The following AKTIP variants were observed in gnomAD, a reference collection of about 807,000 sequenced individuals.
AKTIP encodes the protein AKT interacting protein.
AKTIP carries 16 observed loss-of-function variants against 39.1 expected under a neutral mutation model. The observed-to-expected ratio is 0.41, with a 90% CI of 0.28 to 0.62. AKTIP has a LOEUF of 0.62. Among genes scored for constraint, AKTIP ranks in the 20% least tolerant of loss-of-function variants. The probability of loss-of-function intolerance (pLI) is 0.32; values close to 1 mark genes in which losing one functional copy is unlikely to be tolerated. For synonymous variants in AKTIP, 93 were observed against 124.3 expected, an observed-to-expected ratio of 0.75 and a Z score of 1.67; for missense variants, 262 against 356.6, an observed-to-expected ratio of 0.73 and a Z score of 2.14.
intron 3 of AKTIP, among the ~76,000 whole-genome samples, chr16:53,497,903 C>T (rs183017817): frequency 6.6e-6 from 1 of 152,204 alleles, no homozygotes; most frequent in Non-Finnish European, 1.5e-5. Flanking sequence ...CGCCTGCCAT[C>T]AAACCTGGCT....
At chr16:53,494,492 TA>T (rs2150851688) in intron 6 of AKTIP, 24 bp downstream of exon 6, 1 of 1,613,876 alleles carries the variant, frequency 6.2e-7, no homozygotes, top group Non-Finnish European at 8.5e-7. Flanking sequence ...ATTATGTCAC[TA>T]AAAGAAACAC....
At chr16:53,499,035 T>C (rs1962011506) in intron 2 of AKTIP, among the ~76,000 whole-genome samples, 1 of 152,250 alleles carries the variant, frequency 6.6e-6, no homozygotes, top group African/African-American at 2.4e-5. Context: ...AGTCACTGCC[T>C]GTTAGCACTT....
At chr16:53,503,551 C>T (rs1432696761), upstream of AKTIP, among the ~76,000 whole-genome samples, 2 of 152,220 alleles carry the variant, frequency 1.3e-5, no homozygotes, top group Non-Finnish European at 2.9e-5. Flanking sequence ...AAACAAGCGC[C>T]GGGTCACAAT....
In AKTIP at chr16:53,491,533, T is replaced by TA. The variant is rs1463568563; in HGVS notation, c.*878dup. On this transcript the variant is annotated 3_prime_UTR_variant, in exon 10 of 10. Transcript: ENST00000394657. ...ATATTGCTGAGAGAAATATGGAACT[T>TA]ACATTGTTCAATTAGAATAGTGTTC... is the stretch of plus-strand genomic sequence containing the variant. 6.6e-6 allele frequency: 1 copy of TA among 152,624 alleles called. No homozygotes were observed. The highest frequency in any genetic ancestry group is 1.5e-5 in the Non-Finnish European group (1 of 68,040). 9.5% of individuals were successfully genotyped at this position (152,624 alleles called of 1,614,324 possible).
chr16:53,492,555 T>C, intron 9 of AKTIP, 36 bp from the exon 10 acceptor site: 1 of 1,610,332 alleles, frequency 6.2e-7, no homozygotes, highest in Non-Finnish European at 8.5e-7. Flanking sequence ...TTTAAAAAAT[T>C]ACTGGTGAGG....
At chr16:53,501,732 C>T (rs772573151) in intron 1 of AKTIP, 2 of 152,248 alleles carry the variant, frequency 1.3e-5, no homozygotes, top group Non-Finnish European at 2.9e-5. Flanking sequence ...CATACCTTGC[C>T]AGTGCCCATT....
At chr16:53,503,859 C>T (rs1037988870), upstream of AKTIP, among the ~76,000 whole-genome samples, 1 of 152,136 alleles carries the variant, frequency 6.6e-6, no homozygotes, top group Admixed American at 6.5e-5. Context: ...GAGCTGAAGG[C>T]TGGAGCTGAA....
rs187641799 is a variant in AKTIP at position 53,498,094 on chromosome 16, C to T, written c.248+297G>A. On this transcript the variant is annotated intron_variant, in intron 3 of 9. Coordinates refer to ENST00000394657, the MANE Select transcript of AKTIP (RefSeq NM_022476.4). ...AAGCCTTAGTTTCTTCCTTTTGTTA[C>T]TCTCCAAAACAGACATGGAAATTAA... Among the ~76,000 whole-genome samples the T allele has an allele frequency of 9.2e-5, 14 of 152,350 alleles. No homozygotes were observed. The East Asian group carries it at 2.5e-3, about 27-fold the overall frequency.
chr16:53,500,937 G>C (rs1319792415), intron 1 of AKTIP, among the ~76,000 whole-genome samples: 2 of 152,198 alleles, frequency 1.3e-5, no homozygotes, highest in Non-Finnish European at 2.9e-5. Context: ...CAGAAATTCA[G>C]AAGATACGGA....
At chr16:53,498,692 CT>C in intron 2 of AKTIP, 96 bp from the exon 3 acceptor site, 1 of 1,231,824 alleles carries the variant, frequency 8.1e-7, no homozygotes, top group Non-Finnish European at 1.2e-6. Context: ...GGAATTACTC[CT>C]TTACAAGCAC....
intron 5 of AKTIP, 174 bp downstream of exon 5, chr16:53,494,899 C>G: frequency 1.3e-6 from 1 of 758,290 alleles, no homozygotes; most frequent in East Asian, 2.7e-5. Flanking sequence ...AGCAGAGAAA[C>G]AAAGCTCTGA....
chr16:53,500,675 G>GC (rs1962115963), intron 1 of AKTIP, among the ~76,000 whole-genome samples: 1 of 152,146 alleles, frequency 6.6e-6, no homozygotes, highest in African/African-American at 2.4e-5. Flanking sequence ...ACCACGCCCG[G>GC]CCAACAGTTA....
At chr16:53,497,539 G>GGCCTTCCTGGTCCCTCCCTGCTAGGCCTT (rs1231486718) in intron 3 of AKTIP, among the ~76,000 whole-genome samples, 15 of 152,152 alleles carry the variant, frequency 9.9e-5, no homozygotes, top group Non-Finnish European at 1.9e-4. Flanking sequence ...CCTAAGGACT[G>GGCCTTCCTGGTCCCTCCCTGCTAGGCCTT]GCCTTCCTGG....
intron 2 of AKTIP, 49 bp from the exon 3 acceptor site, chr16:53,498,645 C>T: frequency 6.4e-7 from 1 of 1,558,366 alleles, no homozygotes; most frequent in Middle Eastern, 1.7e-4. Flanking sequence ...ATTCTTAAAT[C>T]ACAAGAGTAC....
chr16:53,497,403 T>C (rs1111486), intron 3 of AKTIP, among the ~76,000 whole-genome samples: 2,051 of 152,324 alleles, frequency 0.013, 52 homozygotes, highest in African/African-American at 0.045. Context: ...AAGTCCTGCC[T>C]TTGGGGGTCA....
chr16:53,498,043 C>T (rs779475618), intron 3 of AKTIP, among the ~76,000 whole-genome samples: 1 of 152,242 alleles, frequency 6.6e-6, no homozygotes, highest in African/African-American at 2.4e-5. Flanking sequence ...CCGCCATGCC[C>T]GGCCAATCTA....
At chr16:53,500,859 A>ATT (rs1962126460) in intron 1 of AKTIP, among the ~76,000 whole-genome samples, 1 of 152,198 alleles carries the variant, frequency 6.6e-6, no homozygotes, top group Non-Finnish European at 1.5e-5. Context: ...AGATGTCTAT[A>ATT]AGAATCTGTG....
chr16:53,498,380 T>C lies in AKTIP; in HGVS notation c.248+11A>G, dbSNP rs1961967108. 5.6e-6 allele frequency: 9 copies of C among 1,613,356 alleles called. No homozygotes were observed. Among genetic ancestry groups the C allele is most frequent in the Non-Finnish European group, 6.8e-6 (8 of 1,179,292 alleles). On this transcript the variant is annotated intron_variant, in intron 3 of 9. Transcript: ENST00000394657. ...TTCCTAATTTAACCAAATAGTTTGT[T>C]AAGGACTTACAATTCTGCAAGAAGA...
chr16:53,502,912 A>G (rs1478377578), intron 1 of AKTIP: 1 of 152,274 alleles, frequency 6.6e-6, no homozygotes, highest in Non-Finnish European at 1.5e-5. Context: ...GGGCCAGCCC[A>G]GCTCCAGCCG....
Sources: allele counts gnomAD v4.1 joint callset (sites outside exome capture counted in the v4.1 genomes callset), GRCh38; gene constraint gnomAD v4.1.1; transcripts MANE v1.5; gene names NCBI Gene and HGNC (gene_info 2026-07-23, HGNC 2026-07-21).